BTBD1: variants seen among roughly 807,000 people sequenced by gnomAD.
BTBD1 encodes BTB/POZ domain-containing protein 1.
BTBD1 carries 34 observed loss-of-function variants against 48.0 expected under a neutral mutation model. That is an observed-to-expected ratio of 0.71 (90% CI 0.54 to 0.94). The LOEUF (loss-of-function observed/expected upper bound fraction) is 0.94, where lower values mean the gene tolerates loss of function less well. BTBD1 is among the 40% of genes least tolerant of loss of function. BTBD1 has a pLI of 0.00. For missense variants in BTBD1, 543 were observed against 625.6 expected (o/e 0.87, Z 1.41); for synonymous variants, 261 against 242.1 (o/e 1.08, Z -0.72).
At chr15:83,021,162 T>G (rs62010165) in intron 5 of BTBD1, among the ~76,000 whole-genome samples, 28,319 of 152,220 alleles carry the variant, frequency 0.19, 2,848 homozygotes, top group Non-Finnish European at 0.21. Context: ...ATTTAGGTAC[T>G]AGGCTTGGCA....
chr15:83,056,466 G>C lies in BTBD1; in HGVS notation c.481C>G (p.Pro161Ala). Residue 161 changes from proline to alanine, a missense_variant, in exon 2 of 8, where the codon CCA becomes GCA. Coordinates refer to ENST00000261721, the MANE Select transcript of BTBD1 (RefSeq NM_025238.4). ...TLYTAKKYAV[P>A]ALEAHCVEFL... ...TCTACACAGTGTGCTTCCAAGGCTG[G>C]GACTGCGTATTTCTTGGCAGTATAA... is the stretch of plus-strand genomic sequence containing the variant. The C allele has an allele frequency of 6.2e-7, 1 of 1,612,758 alleles. No homozygotes were observed. The highest frequency in any genetic ancestry group is 1.1e-5 in the South Asian group (1 of 91,054).
At chr15:83,027,949 TATCA>T (rs1310515701) in intron 5 of BTBD1, among the ~76,000 whole-genome samples, 1 of 152,248 alleles carries the variant, frequency 6.6e-6, no homozygotes, top group Non-Finnish European at 1.5e-5. Context: ...CATATTTTAC[TATCA>T]ATTACATTTA....
chr15:83,062,033 G>A (rs1440007587), intron 1 of BTBD1, among the ~76,000 whole-genome samples: 1 of 152,140 alleles, frequency 6.6e-6, no homozygotes, highest in Non-Finnish European at 1.5e-5. Flanking sequence ...GAGTACAAAG[G>A]TAAGGAGGCC....
At chr15:83,042,348 T>TTTTTTA (rs773923340) in intron 3 of BTBD1, among the ~76,000 whole-genome samples, 5 of 109,896 alleles carry the variant, frequency 4.5e-5, no homozygotes, top group Non-Finnish European at 7.4e-5. Flanking sequence ...TTAGGCAATT[T>TTTTTTA]TATATATATA....
chr15:83,056,432 G>C lies in BTBD1; in HGVS notation c.515C>G (p.Thr172Ser). 1 of 1,613,524 alleles carries C rather than the reference G, an allele frequency of 6.2e-7. No individual in the cohort carries two copies. The highest frequency in any genetic ancestry group is 8.5e-7 in the Non-Finnish European group (1 of 1,179,572). The change falls in exon 2 of 8, where the codon ACC becomes AGC. Residue 172 changes from threonine (T) to serine (S), a missense_variant. Transcript: ENST00000261721. ...GGCATTATCTGCCCTAAGATGTTTG[G>C]TGAGAAATTCTACACAGTGTGCTTC... is the stretch of plus-strand genomic sequence containing the variant. ...ALEAHCVEFL[T>S]KHLRADNAFM...
intron 5 of BTBD1, 150 bp downstream of exon 5, chr15:83,029,986 C>G (rs2032484007): frequency 1.3e-6 from 1 of 762,600 alleles, no homozygotes; most frequent in Admixed American, 2.4e-5. Flanking sequence ...GCCTCAGTGA[C>G]TTCTTGACTC....
intron 3 of BTBD1, among the ~76,000 whole-genome samples, chr15:83,042,348 T>TTATATATATATATATATA (rs61294242): frequency 0.015 from 1,625 of 109,500 alleles, 57 homozygotes; most frequent in African/African-American, 0.019. Flanking sequence ...TTAGGCAATT[T>TTATATATATATATATATA]TATATATATA....
Position 83,018,237 on chromosome 15 carries a change from C to T in BTBD1, c.1291-12G>A. The stretch of plus-strand genomic sequence containing the variant: ...TGGGAATCTGGACCCTAAATGAGAA[C>T]AAAAGGTTCCTTAGTAATTTTCATT... On this transcript the variant is annotated splice_polypyrimidine_tract_variant and intron_variant, in intron 7 of 7. Transcript: ENST00000261721. The T allele has an allele frequency of 6.5e-7, 1 of 1,539,084 alleles. No individual in the cohort carries two copies. The highest frequency in any genetic ancestry group is 8.7e-7 in the Non-Finnish European group (1 of 1,144,110).
At chr15:83,036,857 A>G (rs1446059950) in intron 4 of BTBD1, among the ~76,000 whole-genome samples, 1 of 152,194 alleles carries the variant, frequency 6.6e-6, no homozygotes. Flanking sequence ...AAGTTTACAT[A>G]TGGACACAAC....
chr15:83,057,438 C>CA (rs762827213), intron 1 of BTBD1, among the ~76,000 whole-genome samples: 4 of 151,866 alleles, frequency 2.6e-5, no homozygotes, highest in Admixed American at 6.6e-5. Context: ...TAACGCCTGA[C>CA]AAAAAAAATT....
chr15:83,066,141 T>TA (rs543741856), intron 1 of BTBD1, among the ~76,000 whole-genome samples: 6 of 151,048 alleles, frequency 4.0e-5, no homozygotes, highest in Non-Finnish European at 8.9e-5. Flanking sequence ...AAAATAAAAA[T>TA]AAAAAAAATT....
At chr15:83,063,629 C>T (rs956978616) in intron 1 of BTBD1, among the ~76,000 whole-genome samples, 4 of 152,124 alleles carry the variant, frequency 2.6e-5, no homozygotes, top group African/African-American at 9.7e-5. Context: ...CTCCGCCTCC[C>T]CAATCTCATT....
intron 4 of BTBD1, among the ~76,000 whole-genome samples, chr15:83,040,253 G>C (rs1287848390): frequency 1.3e-5 from 2 of 152,098 alleles, no homozygotes. Context: ...AGGGACAGAA[G>C]GGGGAAAAGA....
intron 2 of BTBD1, among the ~76,000 whole-genome samples, chr15:83,054,426 A>C (rs1348498763): frequency 6.6e-6 from 1 of 152,186 alleles, no homozygotes; most frequent in Non-Finnish European, 1.5e-5. Flanking sequence ...ATATATGTAA[A>C]GGGGATAGCT....
In BTBD1 at chr15:83,067,033, A is replaced by AG; in HGVS notation, c.118dup (p.Leu40ProfsTer66). ...CCAGTTGTAGAGAGGTTCCCGCTGC[A>AG]GGGGGAGCAGGGGCCCCAGAGAGGA... On this transcript the variant is annotated frameshift_variant, in exon 1 of 8. Transcript: ENST00000261721. LOFTEE classifies it high-confidence loss of function. The AG allele has an allele frequency of 6.3e-7, 1 of 1,581,496 alleles. No individual in the cohort carries two copies. Among genetic ancestry groups the AG allele is most frequent in the Non-Finnish European group, 8.6e-7 (1 of 1,166,398 alleles).
intron 1 of BTBD1, among the ~76,000 whole-genome samples, chr15:83,058,622 T>G (rs1477335724): frequency 1.4e-5 from 2 of 145,890 alleles, no homozygotes; most frequent in African/African-American, 2.5e-5. Context: ...TTTTTTTAAT[T>G]AAAAAAAAAA....
At chr15:83,025,357 C>CAAAAAA (rs767479917) in intron 5 of BTBD1, among the ~76,000 whole-genome samples, 2,818 of 63,920 alleles carry the variant, frequency 0.044, 110 homozygotes, top group Middle Eastern at 0.08. Context: ...GACTCCATCA[C>CAAAAAA]AAAAAAAAAA....
At chr15:83,021,763 T>TAAC (rs2032302933) in intron 5 of BTBD1, among the ~76,000 whole-genome samples, 1 of 150,246 alleles carries the variant, frequency 6.7e-6, no homozygotes, top group Non-Finnish European at 1.5e-5. Context: ...ATAATAATAA[T>TAAC]AATAATACAT....
chr15:83,047,000 C>T (rs1171286220), intron 3 of BTBD1, among the ~76,000 whole-genome samples: 1 of 152,148 alleles, frequency 6.6e-6, no homozygotes. Context: ...GAAGAAAAAG[C>T]ATTATTCTAG....
Sources: allele counts gnomAD v4.1 joint callset (sites outside exome capture counted in the v4.1 genomes callset), GRCh38; gene constraint gnomAD v4.1.1; transcripts MANE v1.5; gene names NCBI Gene and HGNC (gene_info 2026-07-23, HGNC 2026-07-21).